VWC2L: variants seen among roughly 807,000 people sequenced by gnomAD.
The protein encoded by VWC2L is von Willebrand factor C domain-containing protein 2-like.
A neutral mutation model predicts 21.6 loss-of-function variants in VWC2L; 10 were observed. That is an observed-to-expected ratio of 0.46 (90% CI 0.29 to 0.78). The LOEUF is 0.78. Among genes scored for constraint, VWC2L ranks in the 30% least tolerant of loss-of-function variants. The pLI is 0.10. For synonymous variants in VWC2L, 96 were observed against 94.3 expected (o/e 1.02, Z -0.10); for missense variants, 209 against 277.1 (o/e 0.75, Z 1.74).
intron 2 of VWC2L, among the ~76,000 whole-genome samples, chr2:214,418,660 T>G (rs913021467): frequency 1.3e-5 from 2 of 152,198 alleles, no homozygotes; most frequent in Non-Finnish European, 2.9e-5. Flanking sequence ...TTTAATACCT[T>G]TTTTGATGAA....
chr2:214,434,669 CA>C (rs1702652340), intron 2 of VWC2L, among the ~76,000 whole-genome samples: 1 of 152,146 alleles, frequency 6.6e-6, no homozygotes, highest in South Asian at 2.1e-4. Flanking sequence ...AGAATTATTA[CA>C]AAAACTAAGT....
At chr2:214,556,072 G>C (rs749409224) in intron 3 of VWC2L, among the ~76,000 whole-genome samples, 1 of 152,032 alleles carries the variant, frequency 6.6e-6, no homozygotes, top group Non-Finnish European at 1.5e-5. Context: ...AATGCAGAGA[G>C]TTCCTCCCGT....
chr2:214,574,275 G>A (rs1174921221), intron 3 of VWC2L, among the ~76,000 whole-genome samples: 2 of 152,142 alleles, frequency 1.3e-5, no homozygotes, highest in Admixed American at 6.5e-5. Flanking sequence ...TTGAGCACAT[G>A]CCAAGTGTTT....
chr2:214,522,242 G>A (rs1178094632), intron 3 of VWC2L, among the ~76,000 whole-genome samples: 1 of 151,950 alleles, frequency 6.6e-6, no homozygotes, highest in Non-Finnish European at 1.5e-5. Context: ...ATGCGTGGTG[G>A]CGGGAGCCTG....
chr2:214,435,379 G>A (rs546058990), intron 2 of VWC2L, among the ~76,000 whole-genome samples: 7 of 152,220 alleles, frequency 4.6e-5, no homozygotes, highest in African/African-American at 1.7e-4. Flanking sequence ...AGATCCCATG[G>A]CTAATTGTTT....
At chr2:214,442,043 C>T (rs976085803) in intron 3 of VWC2L, among the ~76,000 whole-genome samples, 5 of 151,840 alleles carry the variant, frequency 3.3e-5, no homozygotes, top group African/African-American at 1.2e-4. Flanking sequence ...TCCCAAGTAG[C>T]TGGGATTATA....
intron 3 of VWC2L, among the ~76,000 whole-genome samples, chr2:214,548,324 G>T (rs1447800473): frequency 6.6e-6 from 1 of 152,126 alleles, no homozygotes; most frequent in Non-Finnish European, 1.5e-5. Context: ...AAAAAATTTT[G>T]TGCCAGTATT....
In VWC2L at chr2:214,577,653, G is replaced by C. The variant is rs1393621680; in HGVS notation, c.*1833G>C. Reference sequence around the variant, plus strand: ...CCAAGGGGTCAGTCTTCTCCATAGAGAGTGAGGCTTCTAATGCTATAGGCC... The same window carrying C: ...CCAAGGGGTCAGTCTTCTCCATAGACAGTGAGGCTTCTAATGCTATAGGCC... On this transcript the variant is annotated 3_prime_UTR_variant, in exon 4 of 4. Transcript: ENST00000312504. The C allele has an allele frequency of 2.0e-5, 3 of 152,156 alleles. No homozygotes were observed. The highest frequency in any genetic ancestry group is 7.2e-5 in the African/African-American group (3 of 41,426). The allele number at this position is 152,156 out of a possible 1,614,324, so 9.4% of individuals were successfully genotyped here. A position where few individuals can be genotyped will look rare whatever the true frequency, so the allele number is the denominator to read the frequency against.
intron 3 of VWC2L, among the ~76,000 whole-genome samples, chr2:214,461,582 G>A (rs1287725612): frequency 6.6e-6 from 1 of 152,128 alleles, no homozygotes; most frequent in Non-Finnish European, 1.5e-5. Context: ...TAGGCCCTTG[G>A]TGGTACATAT....
chr2:214,525,927 CA>C (rs2105913576), intron 3 of VWC2L, among the ~76,000 whole-genome samples: 1 of 152,162 alleles, frequency 6.6e-6, no homozygotes, highest in South Asian at 2.1e-4. Flanking sequence ...GTACATACCG[CA>C]TACCATTATT....
chr2:214,539,987 A>G (rs2105920429), intron 3 of VWC2L, among the ~76,000 whole-genome samples: 1 of 152,286 alleles, frequency 6.6e-6, no homozygotes, highest in Admixed American at 6.5e-5. Context: ...AGCTAAAGGA[A>G]CAACATATAA....
chr2:214,510,525 T>C (rs1247783945), intron 3 of VWC2L, among the ~76,000 whole-genome samples: 1 of 152,144 alleles, frequency 6.6e-6, no homozygotes, highest in East Asian at 1.9e-4. Flanking sequence ...CTTCCCTATT[T>C]AAAACTTTAT....
rs547876189 is a variant in VWC2L at position 214,488,299 on chromosome 2, T to C, written c.520+51541T>C. 2.0e-5 allele frequency among the ~76,000 whole-genome samples: 3 copies of C among 152,308 alleles called. No homozygotes were observed. In the East Asian group the frequency reaches 5.8e-4, roughly 29 times the overall value. On this transcript the variant is annotated intron_variant, in intron 3 of 3. Transcript: ENST00000312504. ...ACTTCCTATGATAGAGAATTCAACCTGGTCAAGAAGTCACAAGGCTGGGCA... is the reference window on the plus strand; with the variant it reads ...ACTTCCTATGATAGAGAATTCAACCCGGTCAAGAAGTCACAAGGCTGGGCA...
rs751144782 is a variant in VWC2L, at chr2:214,575,730, C to A, written c.579C>A (p.Asp193Glu). 1 of 1,613,434 alleles carries A rather than the reference C, an allele frequency of 6.2e-7. No individual in the cohort carries two copies. Among genetic ancestry groups the A allele is most frequent in the Admixed American group, 1.7e-5 (1 of 59,980 alleles). ...IIPAGIEVKV[D>E]ECNICHCHNG... Reference sequence around the variant, plus strand: ...CAGCTGGCATTGAAGTGAAAGTGGACGAATGTAACATCTGTCATTGTCACA... The same window carrying A: ...CAGCTGGCATTGAAGTGAAAGTGGAAGAATGTAACATCTGTCATTGTCACA... The change falls in exon 4 of 4, where the codon GAC becomes GAA. Residue 193 changes from aspartate to glutamate, a missense_variant. Physicochemically the swap from Asp to Glu is conservative, Grantham distance 45. Coordinates refer to ENST00000312504, the MANE Select transcript of VWC2L (RefSeq NM_001080500.4).
At chr2:214,516,613 C>T (rs966311656) in intron 3 of VWC2L, among the ~76,000 whole-genome samples, 9 of 150,056 alleles carry the variant, frequency 6.0e-5, no homozygotes, top group Admixed American at 6.6e-5. Flanking sequence ...CATAGCTTAT[C>T]GTTAAGCAAA....
At chr2:214,442,511 G>T (rs1456654733) in intron 3 of VWC2L, among the ~76,000 whole-genome samples, 2 of 152,002 alleles carry the variant, frequency 1.3e-5, no homozygotes, top group African/African-American at 4.8e-5. Context: ...TAAAAGTTCT[G>T]AAAGAATACA....
intron 3 of VWC2L, among the ~76,000 whole-genome samples, chr2:214,495,103 T>C (rs1028263814): frequency 3.3e-5 from 5 of 152,118 alleles, no homozygotes; most frequent in African/African-American, 1.2e-4. Flanking sequence ...TTTTTATTGT[T>C]CTTGCTTTTT....
chr2:214,436,596 G>A, intron 2 of VWC2L, 33 bp from the exon 3 acceptor site: 2 of 1,610,478 alleles, frequency 1.2e-6, no homozygotes, highest in Non-Finnish European at 1.7e-6. Flanking sequence ...TAAGTTATAG[G>A]AGAAAAGGGG....
chr2:214,563,846 C>G (rs1375447536), intron 3 of VWC2L, among the ~76,000 whole-genome samples: 1 of 152,104 alleles, frequency 6.6e-6, no homozygotes, highest in Non-Finnish European at 1.5e-5. Context: ...CCAGGGAACT[C>G]TGACAAGAGA....
Sources: allele counts gnomAD v4.1 joint callset (sites outside exome capture counted in the v4.1 genomes callset), GRCh38; gene constraint gnomAD v4.1.1; transcripts MANE v1.5; gene names NCBI Gene and HGNC (gene_info 2026-07-23, HGNC 2026-07-21).